The following CEP57L1 variants were observed in gnomAD, a reference collection of about 807,000 sequenced individuals.
CEP57L1 encodes centrosomal protein 57 like 1.
A neutral mutation model predicts 61.0 loss-of-function variants in CEP57L1; 37 were observed. The ratio of observed to expected loss-of-function variants is 0.61; its 90% CI spans 0.47 to 0.80. CEP57L1 has a LOEUF of 0.80. Ranked by LOEUF, CEP57L1 falls within the 30% of genes least tolerant of loss-of-function variation. CEP57L1 has a pLI of 0.00. For missense variants in CEP57L1, 422 were observed against 524.7 expected, an observed-to-expected ratio of 0.80 and a Z score of 1.91; for synonymous variants, 137 against 162.3, an observed-to-expected ratio of 0.84 and a Z score of 1.19.
In CEP57L1 at chr6:109,150,524, T is replaced by C. The variant is rs143343965; in HGVS notation, c.462+285T>C. Among the ~76,000 whole-genome samples, 1,204 of 152,222 alleles carry C rather than the reference T, an allele frequency of 7.9e-3. 20 individuals carry two copies. The highest frequency in any genetic ancestry group is 0.028 in the African/African-American group (1,154 of 41,532). ...TAAAAATACAAAAATTAGCCGGGCT[T>C]GGTGGCAGGCATCTGTAATCTCAGC... is the stretch of plus-strand genomic sequence containing the variant. On this transcript the variant is annotated intron_variant, in intron 4 of 10. Transcript: ENST00000517392.
At position 109,162,920 on chromosome 6, in the gene CEP57L1, C is replaced by A. The variant is rs746029815; in HGVS notation, c.1333C>A (p.His445Asn). The A allele has an allele frequency of 4.3e-6, 7 of 1,612,966 alleles. No homozygotes were observed. The highest frequency in any genetic ancestry group is 4.2e-6 in the Non-Finnish European group (5 of 1,179,298). The part of the protein sequence containing the change: ...KNSSFHPIRV[H>N]NLQMKLRRDD... ...CAGCAGCTTTCATCCAATACGAGTT[C>A]ATAATCTTCAAATGAAATTGAGAAG... Residue 445 changes from histidine (H) to asparagine (N), a missense_variant, in exon 11 of 11, where the codon CAT (histidine) becomes AAT (asparagine). By Grantham distance (68) the His-to-Asn change is moderately conservative (BLOSUM62 1). Coordinates refer to ENST00000517392, the MANE Select transcript of CEP57L1 (RefSeq NM_001271852.3).
chr6:109,134,539 C>T (rs1024085273), intron 1 of CEP57L1, among the ~76,000 whole-genome samples: 2 of 152,132 alleles, frequency 1.3e-5, no homozygotes, highest in African/African-American at 4.8e-5. Context: ...TCCTATTCAA[C>T]ATAGTATTGG....
intron 6 of CEP57L1, 107 bp from the exon 7 acceptor site, chr6:109,155,681 TTTC>T: frequency 1.6e-6 from 1 of 636,798 alleles, no homozygotes. Context: ...TTTCTTTTCT[TTTC>T]TTCTCCAAAA....
In CEP57L1 at chr6:109,146,348, G is replaced by GA. The variant is rs532585951; in HGVS notation, c.161-403dup. Reference sequence around the variant, plus strand: ...TAAAACGGAATACCTCAAGAACTGAGAAAAAAAGCCTATAACTTTAAACCT... The same window carrying GA: ...TAAAACGGAATACCTCAAGAACTGAGAAAAAAAAGCCTATAACTTTAAACCT... On this transcript the variant is annotated intron_variant, in intron 2 of 10. Transcript: ENST00000517392. 1.3e-4 allele frequency among the ~76,000 whole-genome samples: 19 copies of GA among 151,728 alleles called. No individual in the cohort carries two copies. The South Asian group carries it at 3.5e-3, about 28-fold the overall frequency.
At chr6:109,102,200 G>C (rs997467135) in intron 1 of CEP57L1, among the ~76,000 whole-genome samples, 1 of 152,006 alleles carries the variant, frequency 6.6e-6, no homozygotes, top group Non-Finnish European at 1.5e-5. Context: ...TTACTGTTGA[G>C]TGTTTTTGTT....
In CEP57L1 at chr6:109,160,706, A is replaced by G. The variant is rs748306498; in HGVS notation, c.1151A>G (p.His384Arg). ...KGEQISKLKKHQDSVCKLQQK... is the reference protein window; with the variant it reads ...KGEQISKLKKRQDSVCKLQQK... ...GAACAAATCTCCAAACTGAAGAAGCATCAAGACAGTGTAAGAAGGCTTTAG... is the reference window on the plus strand; with the variant it reads ...GAACAAATCTCCAAACTGAAGAAGCGTCAAGACAGTGTAAGAAGGCTTTAG... Residue 384 changes from histidine to arginine, a missense_variant, in exon 10 of 11, where the codon CAT becomes CGT. Coordinates refer to ENST00000517392, the MANE Select transcript of CEP57L1 (RefSeq NM_001271852.3). The G allele has an allele frequency of 1.9e-6, 3 of 1,593,530 alleles. No individual in the cohort carries two copies. The highest frequency in any genetic ancestry group is 1.4e-5 in the African/African-American group (1 of 73,426).
chr6:109,097,257 T>A (rs1781813143), intron 1 of CEP57L1, among the ~76,000 whole-genome samples: 1 of 152,224 alleles, frequency 6.6e-6, no homozygotes, highest in Non-Finnish European at 1.5e-5. Context: ...CAAACTGCGA[T>A]AATCTCTCAA....
chr6:109,139,503 G>A (rs1771112402), intron 1 of CEP57L1, among the ~76,000 whole-genome samples: 2 of 150,864 alleles, frequency 1.3e-5, no homozygotes, highest in East Asian at 1.9e-4. Context: ...TTGAGATGGA[G>A]TCTCACTCTG....
In CEP57L1 at chr6:109,095,535, A is replaced by G. The variant is rs1359117301; in HGVS notation, c.-44A>G. On this transcript the variant is annotated 5_prime_UTR_variant, in exon 1 of 11. Transcript: ENST00000517392. ...GTTGCCTGTGGGTGCCCGCGAACCA[A>G]CGGTTAGCGGTGGCAGGGGCTGACT... 5 of 985,664 alleles carry G rather than the reference A, an allele frequency of 5.1e-6. No individual in the cohort carries two copies. Among genetic ancestry groups the G allele is most frequent in the Admixed American group, 1.2e-4 (2 of 16,244 alleles). The allele number at this position is 985,664 out of a possible 1,614,324, so 61.1% of individuals were successfully genotyped here. A position where few individuals can be genotyped will look rare whatever the true frequency, so the allele number is the denominator to read the frequency against.
At chr6:109,112,244 A>C (rs1422378386) in intron 1 of CEP57L1, among the ~76,000 whole-genome samples, 1 of 152,092 alleles carries the variant, frequency 6.6e-6, no homozygotes, top group East Asian at 1.9e-4. Flanking sequence ...TTCCTGGTTT[A>C]GTCTTGGGAG....
chr6:109,118,024 A>G (rs1313281955), intron 1 of CEP57L1, among the ~76,000 whole-genome samples: 1 of 152,204 alleles, frequency 6.6e-6, no homozygotes, highest in East Asian at 1.9e-4. Flanking sequence ...CATTTTAAGT[A>G]AAATGTATAT....
rs35714375 is a variant in CEP57L1 at position 109,142,946 on chromosome 6, G to GCT, written c.-3-2215_-3-2214dup. The stretch of plus-strand genomic sequence containing the variant: ...CTCACTCTTGTTCACTGTCTCTCTT[G>GCT]CTCTCTCTCTCTCTCTCTCTCTCTC... On this transcript the variant is annotated intron_variant, in intron 1 of 10. Transcript: ENST00000517392. 1.6e-3 allele frequency among the ~76,000 whole-genome samples: 87 copies of GCT among 55,484 alleles called. 1 individual carries two copies. Among genetic ancestry groups the GCT allele is most frequent in the Non-Finnish European group, 2.0e-3 (54 of 27,156 alleles). The allele number at this position is 55,484 out of a possible 152,430, so 36.4% of individuals were successfully genotyped here.
At chr6:109,149,236 A>G (rs1276793699) in intron 3 of CEP57L1, among the ~76,000 whole-genome samples, 9 of 151,986 alleles carry the variant, frequency 5.9e-5, no homozygotes, top group East Asian at 3.9e-4. Flanking sequence ...TTTCTTCTAG[A>G]GTTTTTATGG....
intron 1 of CEP57L1, among the ~76,000 whole-genome samples, chr6:109,139,529 T>A (rs1583555751): frequency 6.6e-6 from 1 of 151,290 alleles, no homozygotes; most frequent in South Asian, 2.1e-4. Context: ...CAGGCTGGAG[T>A]GCAGTGACAT....
At chr6:109,132,344 C>G (rs1774286835) in intron 1 of CEP57L1, among the ~76,000 whole-genome samples, 1 of 152,154 alleles carries the variant, frequency 6.6e-6, no homozygotes, top group Admixed American at 6.6e-5. Flanking sequence ...AAAACACAAA[C>G]AGCAGCAACA....
intron 1 of CEP57L1, among the ~76,000 whole-genome samples, chr6:109,119,507 T>C (rs553919424): frequency 3.3e-5 from 5 of 152,144 alleles, no homozygotes; most frequent in African/African-American, 7.2e-5. Flanking sequence ...ATTACAAATA[T>C]AGGAAGAAAA....
At chr6:109,100,968 A>G (rs931932761) in intron 1 of CEP57L1, among the ~76,000 whole-genome samples, 2 of 151,914 alleles carry the variant, frequency 1.3e-5, no homozygotes. Flanking sequence ...TTAGCCAGGC[A>G]TCATGGCACA....
At chr6:109,118,337 A>G (rs1254246130) in intron 1 of CEP57L1, among the ~76,000 whole-genome samples, 2 of 152,200 alleles carry the variant, frequency 1.3e-5, no homozygotes, top group East Asian at 1.9e-4. Flanking sequence ...CCAGTAAAAT[A>G]TATTTTTATC....
chr6:109,116,122 G>T (rs934754503), intron 1 of CEP57L1, among the ~76,000 whole-genome samples: 8 of 123,128 alleles, frequency 6.5e-5, no homozygotes, highest in African/African-American at 2.4e-4. Context: ...TTTATGTTAT[G>T]TGTTGTGTTA....
Sources: gnomAD v4.1 joint callset for allele counts (sites outside exome capture counted in the v4.1 genomes callset) on GRCh38, gnomAD v4.1.1 for gene constraint, MANE v1.5 for transcripts, NCBI Gene and HGNC (gene_info 2026-07-23, HGNC 2026-07-21) for gene names.